The following MSRA variants were observed in gnomAD, a reference collection of about 807,000 sequenced individuals.
The protein encoded by MSRA is methionine sulfoxide reductase A, also known as mitochondrial peptide methionine sulfoxide reductase.
MSRA carries 54 observed loss-of-function variants against 31.3 expected under a neutral mutation model. The observed-to-expected ratio is 1.73, with a 90% CI of 1.39 to 2.17. The LOEUF (loss-of-function observed/expected upper bound fraction) is 2.17, where lower values mean the gene tolerates loss of function less well. Among genes scored for constraint, MSRA ranks in the 30% most tolerant of loss-of-function variants. The probability of loss-of-function intolerance (pLI) is 0.00; values close to 1 mark genes in which losing one functional copy is unlikely to be tolerated. For missense variants in MSRA, 507 were observed against 300.9 expected (o/e 1.69, Z -5.07); for synonymous variants, 169 against 116.5 (o/e 1.45, Z -2.90).
At chr8:10,195,899 C>T (rs1020135717) in intron 1 of MSRA, among the ~76,000 whole-genome samples, 4 of 152,228 alleles carry the variant, frequency 2.6e-5, no homozygotes, top group African/African-American at 9.6e-5. Context: ...TAGCCCTGAC[C>T]TTACCCTGCA....
At chr8:10,143,604 C>A (rs188394264) in intron 1 of MSRA, among the ~76,000 whole-genome samples, 310 of 152,226 alleles carry the variant, frequency 2.0e-3, no homozygotes, top group African/African-American at 7.0e-3. Flanking sequence ...GTCATTTTCC[C>A]CGTTACCAGA....
chr8:10,351,789 A>T (rs1804166725), intron 5 of MSRA, among the ~76,000 whole-genome samples: 1 of 152,182 alleles, frequency 6.6e-6, no homozygotes, highest in African/African-American at 2.4e-5. Context: ...TCACCTGGGG[A>T]TCTTGGTAAA....
intron 1 of MSRA, among the ~76,000 whole-genome samples, chr8:10,198,249 A>G (rs1463032847): frequency 1.3e-5 from 2 of 152,160 alleles, no homozygotes; most frequent in Admixed American, 6.5e-5. Flanking sequence ...CGACTACAGC[A>G]TCACCATGCT....
At chr8:10,257,829 T>C (rs1264381566) in intron 3 of MSRA, among the ~76,000 whole-genome samples, 2 of 152,316 alleles carry the variant, frequency 1.3e-5, no homozygotes, top group Middle Eastern at 3.4e-3. Context: ...GATGTAATTC[T>C]ATTTTTCTGA....
intron 1 of MSRA, among the ~76,000 whole-genome samples, chr8:10,098,629 T>C (rs1381505680): frequency 6.6e-6 from 1 of 152,210 alleles, no homozygotes; most frequent in Non-Finnish European, 1.5e-5. Flanking sequence ...TATGTTCACT[T>C]TTCTTGCACA....
intron 5 of MSRA, among the ~76,000 whole-genome samples, chr8:10,408,344 C>T (rs987423438): frequency 6.6e-5 from 10 of 152,114 alleles, no homozygotes; most frequent in African/African-American, 2.4e-4. Flanking sequence ...TAAGACCACC[C>T]TGGGCAATGC....
chr8:10,264,916 C>T (rs372573489), intron 3 of MSRA, among the ~76,000 whole-genome samples: 13 of 152,138 alleles, frequency 8.5e-5, no homozygotes, highest in Non-Finnish European at 1.6e-4. Flanking sequence ...GCCCTCTATG[C>T]GATGAGAAGC....
At chr8:10,142,336 G>T (rs1802790756) in intron 1 of MSRA, among the ~76,000 whole-genome samples, 3 of 151,996 alleles carry the variant, frequency 2.0e-5, no homozygotes. Flanking sequence ...CCATTTTCCA[G>T]GAGAGGAAAC....
intron 2 of MSRA, among the ~76,000 whole-genome samples, chr8:10,226,063 C>T (rs937676119): frequency 1.3e-5 from 2 of 152,228 alleles, no homozygotes; most frequent in Non-Finnish European, 1.5e-5. Flanking sequence ...CTCTGGACCT[C>T]ATGGTTCCTG....
intron 5 of MSRA, among the ~76,000 whole-genome samples, chr8:10,413,319 C>T (rs531449156): frequency 1.4e-4 from 21 of 152,266 alleles, no homozygotes; most frequent in African/African-American, 3.6e-4. Context: ...TGATAATTAG[C>T]TAACCACACT....
intron 5 of MSRA, among the ~76,000 whole-genome samples, chr8:10,403,732 G>A (rs1391484628): frequency 6.6e-6 from 1 of 152,234 alleles, no homozygotes; most frequent in Non-Finnish European, 1.5e-5. Flanking sequence ...ACACACATGG[G>A]AAGATGTAGC....
intron 1 of MSRA, among the ~76,000 whole-genome samples, chr8:10,174,677 C>T (rs916576660): frequency 7.2e-5 from 11 of 152,080 alleles, no homozygotes; most frequent in African/African-American, 2.2e-4. Context: ...TGTCCCCATC[C>T]GCCCTCTTGC....
intron 3 of MSRA, among the ~76,000 whole-genome samples, chr8:10,283,160 A>ACACACACACACACACTCTCTCTCT: frequency 7.1e-6 from 1 of 140,238 alleles, no homozygotes; most frequent in Non-Finnish European, 1.6e-5. Flanking sequence ...ACACACACAC[A>ACACACACACACACACTCTCTCTCT]CTCTCACCCT....
intron 2 of MSRA, among the ~76,000 whole-genome samples, chr8:10,237,217 A>G (rs918332214): frequency 2.0e-5 from 3 of 152,200 alleles, no homozygotes; most frequent in Admixed American, 1.3e-4. Flanking sequence ...TGGCATTTGT[A>G]TTATAAAAAC....
chr8:10,283,666 C>A (rs954262934), intron 3 of MSRA, among the ~76,000 whole-genome samples: 1 of 151,386 alleles, frequency 6.6e-6, no homozygotes, highest in Non-Finnish European at 1.5e-5. Context: ...AGCTTAGCTC[C>A]CACTTATGAG....
intron 4 of MSRA, among the ~76,000 whole-genome samples, chr8:10,312,056 T>C (rs1801461781): frequency 6.6e-6 from 1 of 152,344 alleles, no homozygotes; most frequent in South Asian, 2.1e-4. Context: ...GAGGGACATA[T>C]AGAGCCTTAA....
At chr8:10,260,693 G>A (rs187904486) in intron 3 of MSRA, among the ~76,000 whole-genome samples, 45 of 152,198 alleles carry the variant, frequency 3.0e-4, no homozygotes, top group East Asian at 5.8e-4. Flanking sequence ...AGTTTGCATT[G>A]GTGGGGGGGA....
intron 1 of MSRA, among the ~76,000 whole-genome samples, chr8:10,095,126 C>A (rs532381351): frequency 6.6e-6 from 1 of 152,112 alleles, no homozygotes; most frequent in South Asian, 2.1e-4. Flanking sequence ...TGAGTCTTTG[C>A]GGCAGGACAA....
At chr8:10,296,073 A>C (rs1800524936) in intron 3 of MSRA, among the ~76,000 whole-genome samples, 1 of 152,186 alleles carries the variant, frequency 6.6e-6, no homozygotes. Flanking sequence ...CCCTTTTGCC[A>C]CTTCATCAAA....
Sources: gnomAD v4.1 joint callset for allele counts (sites outside exome capture counted in the v4.1 genomes callset) on GRCh38, gnomAD v4.1.1 for gene constraint, MANE v1.5 for transcripts, NCBI Gene and HGNC (gene_info 2026-07-23, HGNC 2026-07-21) for gene names.